Variants in TMEM161B observed in about 807,000 individuals in gnomAD.
The protein encoded by TMEM161B is transmembrane protein 161B.
In TMEM161B, 34 loss-of-function variants were observed where a neutral mutation model predicts 61.8. The observed-to-expected ratio is 0.55, with a 90% CI of 0.42 to 0.73. TMEM161B has a LOEUF of 0.73. Ranked by LOEUF, TMEM161B falls within the 30% of genes least tolerant of loss-of-function variation. The pLI, the probability that TMEM161B is intolerant of heterozygous loss-of-function variation, is 0.00. For synonymous variants in TMEM161B, 167 were observed against 192.8 expected, an observed-to-expected ratio of 0.87 and a Z score of 1.11; for missense variants, 456 against 558.5, an observed-to-expected ratio of 0.82 and a Z score of 1.85.
At position 88,247,727 on chromosome 5, in the gene TMEM161B, T is replaced by TA. The variant is rs767807788; in HGVS notation, c.4-6812dup. ...TTAAACAAACCATCTTTGAACAATT[T>TA]ATGTATAAGGAAAACAGGGTCCAAA... On this transcript the variant is annotated intron_variant, in intron 1 of 11. Transcript: ENST00000296595. Among the ~76,000 whole-genome samples the TA allele has an allele frequency of 1.3e-4, 20 of 152,158 alleles. No homozygotes were observed. In the East Asian group the frequency reaches 1.7e-3, roughly 13 times the overall value.
At chr5:88,204,361 T>C (rs1453387191) in intron 8 of TMEM161B, among the ~76,000 whole-genome samples, 1 of 152,114 alleles carries the variant, frequency 6.6e-6, no homozygotes, top group Non-Finnish European at 1.5e-5. Context: ...AATCTTAAAA[T>C]GAAGCCACAT....
intron 2 of TMEM161B, among the ~76,000 whole-genome samples, chr5:88,233,532 T>A (rs1391734288): frequency 2.6e-5 from 4 of 152,196 alleles, no homozygotes; most frequent in African/African-American, 9.6e-5. Flanking sequence ...GGTCATAGTA[T>A]GGACTTCAGA....
At chr5:88,231,888 A>G (rs1160335718) in intron 2 of TMEM161B, among the ~76,000 whole-genome samples, 5 of 152,192 alleles carry the variant, frequency 3.3e-5, no homozygotes, top group African/African-American at 1.2e-4. Flanking sequence ...CTGTTTAAAG[A>G]TATCTTATTT....
At chr5:88,188,981 C>G (rs1011515790), downstream of TMEM161B, among the ~76,000 whole-genome samples, 2 of 152,138 alleles carry the variant, frequency 1.3e-5, no homozygotes, top group Non-Finnish European at 1.5e-5. Flanking sequence ...CTCATTCCCC[C>G]CTTTGAGAAC....
intron 1 of TMEM161B, among the ~76,000 whole-genome samples, chr5:88,245,930 G>A (rs1482661344): frequency 6.6e-6 from 1 of 151,874 alleles, no homozygotes; most frequent in Non-Finnish European, 1.5e-5. Flanking sequence ...AATTACAGTG[G>A]TATCTTCAGT....
chr5:88,193,813 C>G (rs958510995), downstream of TMEM161B, among the ~76,000 whole-genome samples: 7 of 152,040 alleles, frequency 4.6e-5, no homozygotes, highest in Non-Finnish European at 1.0e-4. Flanking sequence ...TTTTCAGATA[C>G]AAAACAAATG....
At chr5:88,186,686 T>C (rs376335473), downstream of TMEM161B, among the ~76,000 whole-genome samples, 45 of 152,054 alleles carry the variant, frequency 3.0e-4, no homozygotes, top group South Asian at 8.9e-3. Flanking sequence ...TCCCAGGAAT[T>C]TGGGAGGCCA....
chr5:88,191,800 A>G (rs1229183023), downstream of TMEM161B, among the ~76,000 whole-genome samples: 1 of 150,936 alleles, frequency 6.6e-6, no homozygotes, highest in Non-Finnish European at 1.5e-5. Flanking sequence ...TATTAAAAAT[A>G]CGAAAAATTA....
chr5:88,211,966 C>A (rs1746891787), intron 5 of TMEM161B, among the ~76,000 whole-genome samples: 1 of 151,948 alleles, frequency 6.6e-6, no homozygotes, highest in Admixed American at 6.5e-5. Flanking sequence ...AAGCCCACCA[C>A]AAGGAAGTAA....
intron 1 of TMEM161B, among the ~76,000 whole-genome samples, chr5:88,253,589 G>A (rs1278873742): frequency 6.6e-6 from 1 of 152,164 alleles, no homozygotes; most frequent in Non-Finnish European, 1.5e-5. Context: ...AGTATGGGTT[G>A]CACACAATGG....
chr5:88,237,642 A>G (rs1752076232), intron 2 of TMEM161B, among the ~76,000 whole-genome samples: 1 of 152,110 alleles, frequency 6.6e-6, no homozygotes, highest in Non-Finnish European at 1.5e-5. Context: ...GAAACAAAAC[A>G]TTTAAAAAAT....
At chr5:88,220,417 T>C in intron 5 of TMEM161B, 146 bp downstream of exon 5, 4 of 713,972 alleles carry the variant, frequency 5.6e-6, no homozygotes, top group Non-Finnish European at 8.1e-6. Flanking sequence ...TTACCTCTAT[T>C]ACTTTGAAAA....
intron 4 of TMEM161B, among the ~76,000 whole-genome samples, chr5:88,225,296 G>A (rs931045486): frequency 3.3e-5 from 5 of 152,032 alleles, no homozygotes; most frequent in African/African-American, 4.8e-5. Flanking sequence ...TATGTTATTG[G>A]TAAGTCTTCT....
At chr5:88,266,441 T>C (rs757857682) in intron 1 of TMEM161B, among the ~76,000 whole-genome samples, 3 of 152,236 alleles carry the variant, frequency 2.0e-5, no homozygotes, top group Non-Finnish European at 4.4e-5. Context: ...AGACTAACTT[T>C]TATTTAATCT....
Position 88,225,636 on chromosome 5 carries a change from G to A in TMEM161B, c.289+133C>T, listed in dbSNP as rs558088342. ...AAAAAATAAATTTAATTCAAATGAA[G>A]TCATTTGAGCTTCTAAGTTCTTAGA... On this transcript the variant is annotated intron_variant, in intron 4 of 11. Transcript: ENST00000296595. 3 of 514,344 alleles carry A rather than the reference G, an allele frequency of 5.8e-6. No homozygotes were observed. The African/African-American group carries it at 6.0e-5, about 10-fold the overall frequency. 31.9% of individuals were successfully genotyped at this position (514,344 alleles called of 1,614,324 possible). A position where few individuals can be genotyped will look rare whatever the true frequency, so the allele number is the denominator to read the frequency against.
At chr5:88,214,882 A>G (rs1219195108) in intron 5 of TMEM161B, among the ~76,000 whole-genome samples, 1 of 152,224 alleles carries the variant, frequency 6.6e-6, no homozygotes, top group South Asian at 2.1e-4. Context: ...ACTCAGGTGA[A>G]GCAGAAAGCA....
chr5:88,208,025 A>T (rs539130745), intron 5 of TMEM161B, among the ~76,000 whole-genome samples: 2 of 152,266 alleles, frequency 1.3e-5, no homozygotes, highest in South Asian at 2.1e-4. Flanking sequence ...CAGACATTTT[A>T]AAAAACTTAA....
At chr5:88,220,805 T>C in intron 4 of TMEM161B, 86 bp from the exon 5 acceptor site, 7 of 1,420,682 alleles carry the variant, frequency 4.9e-6, no homozygotes, top group Non-Finnish European at 6.5e-6. Flanking sequence ...TGAGGATTTA[T>C]TTATAATTAA....
intron 1 of TMEM161B, among the ~76,000 whole-genome samples, chr5:88,265,264 C>T (rs1454355303): frequency 6.6e-6 from 1 of 152,168 alleles, no homozygotes; most frequent in Non-Finnish European, 1.5e-5. Context: ...AAGTCACCTA[C>T]TACAGCAGTC....
Sources: allele counts gnomAD v4.1 joint callset (sites outside exome capture counted in the v4.1 genomes callset), GRCh38; gene constraint gnomAD v4.1.1; transcripts MANE v1.5; gene names NCBI Gene and HGNC (gene_info 2026-07-23, HGNC 2026-07-21).